The following CNTN4 variants were observed in gnomAD, a reference collection of about 807,000 sequenced individuals.
The protein encoded by CNTN4 is contactin-4.
In CNTN4, 77 loss-of-function variants were observed where a neutral mutation model predicts 122.5. That is an observed-to-expected ratio of 0.63 (90% CI 0.52 to 0.76). The LOEUF (loss-of-function observed/expected upper bound fraction) is 0.76, where lower values mean the gene tolerates loss of function less well. Among genes scored for constraint, CNTN4 ranks in the 30% least tolerant of loss-of-function variants. The pLI is 0.00. For missense variants in CNTN4, 1,256 were observed against 1,259.1 expected (o/e 1.00, Z 0.04); for synonymous variants, 512 against 447.0 (o/e 1.15, Z -1.83).
At chr3:2,560,130 A>C (rs145978023) in intron 3 of CNTN4, among the ~76,000 whole-genome samples, 397 of 148,722 alleles carry the variant, frequency 2.7e-3, no homozygotes, top group Non-Finnish European at 4.4e-3. Context: ...TATTATTATT[A>C]TTCTTTTTCT....
At chr3:3,042,908 A>G in intron 21 of CNTN4, 69 bp from the exon 22 acceptor site, 1 of 1,300,374 alleles carries the variant, frequency 7.7e-7, no homozygotes, top group East Asian at 2.3e-5. Flanking sequence ...TGCGTACAAA[A>G]TTACCTGATG....
chr3:2,393,998 T>C (rs1048516407), intron 3 of CNTN4, among the ~76,000 whole-genome samples: 4 of 152,160 alleles, frequency 2.6e-5, no homozygotes, highest in African/African-American at 9.7e-5. Flanking sequence ...TTACTTTTAA[T>C]ATTATTCTCA....
At chr3:2,946,016 G>A (rs1180783731) in intron 13 of CNTN4, among the ~76,000 whole-genome samples, 1 of 152,146 alleles carries the variant, frequency 6.6e-6, no homozygotes, top group Admixed American at 6.5e-5. Context: ...CTTCTTTCAA[G>A]GATGTATATC....
At chr3:2,678,918 G>A (rs1443194653) in intron 4 of CNTN4, among the ~76,000 whole-genome samples, 1 of 151,856 alleles carries the variant, frequency 6.6e-6, no homozygotes, top group East Asian at 1.9e-4. Context: ...ATGATCAAGG[G>A]GTAAAAGTAC....
chr3:2,853,850 G>T (rs1414553031), intron 7 of CNTN4, among the ~76,000 whole-genome samples: 1 of 152,192 alleles, frequency 6.6e-6, no homozygotes, highest in Non-Finnish European at 1.5e-5. Flanking sequence ...ACTGTGTCCT[G>T]AGGTATGATT....
chr3:2,677,419 GA>G (rs901314424), intron 4 of CNTN4, among the ~76,000 whole-genome samples: 3 of 149,846 alleles, frequency 2.0e-5, no homozygotes, highest in African/African-American at 7.4e-5. Context: ...CATAGATATA[GA>G]GAGAGATCTA....
At chr3:2,506,104 G>T (rs761413960) in intron 3 of CNTN4, among the ~76,000 whole-genome samples, 2 of 151,818 alleles carry the variant, frequency 1.3e-5, no homozygotes, top group African/African-American at 4.8e-5. Flanking sequence ...TTCCTCATGT[G>T]GACGCCTTCC....
intron 13 of CNTN4, among the ~76,000 whole-genome samples, chr3:2,931,584 A>G (rs1017775131): frequency 1.2e-4 from 19 of 152,142 alleles, no homozygotes; most frequent in African/African-American, 4.6e-4. Flanking sequence ...ATTTTATAGT[A>G]TTTGTCACCA....
At chr3:2,896,485 T>C (rs1380685268) in intron 10 of CNTN4, among the ~76,000 whole-genome samples, 1 of 152,140 alleles carries the variant, frequency 6.6e-6, no homozygotes, top group East Asian at 1.9e-4. Context: ...AGATGGACCT[T>C]GCCCTGAAAT....
rs904492342 is a variant in CNTN4, at chr3:2,149,407, C to T, written c.-145+48768C>T. On this transcript the variant is annotated intron_variant, in intron 2 of 24. Transcript: ENST00000418658. Reference sequence around the variant, plus strand: ...GATACGTTGAGAAATATGTTACTGACCATAAATTACCAATTTGAGATGAAT... The same window carrying T: ...GATACGTTGAGAAATATGTTACTGATCATAAATTACCAATTTGAGATGAAT... Among the ~76,000 whole-genome samples, 5 of 152,164 alleles carry T rather than the reference C, an allele frequency of 3.3e-5. No homozygotes were observed. The East Asian group carries it at 9.6e-4, about 29-fold the overall frequency.
intron 18 of CNTN4, 113 bp from the exon 19 acceptor site, chr3:3,038,820 A>G: frequency 1.3e-6 from 1 of 781,948 alleles, no homozygotes; most frequent in Non-Finnish European, 2.2e-6. Flanking sequence ...CCAGAGACAA[A>G]GGGGCGTGCC....
At position 2,696,480 on chromosome 3, in the gene CNTN4, A is replaced by G. The variant is rs574022210; in HGVS notation, c.56-39735A>G. Among the ~76,000 whole-genome samples the G allele has an allele frequency of 2.6e-5, 4 of 152,350 alleles. No homozygotes were observed. In the South Asian group the frequency reaches 8.3e-4, roughly 32 times the overall value. On this transcript the variant is annotated intron_variant, in intron 4 of 24. Coordinates refer to ENST00000418658, the MANE Select transcript of CNTN4 (RefSeq NM_175607.3). ...TTTGGCTCTTCTGCCATGTGAGGAC[A>G]TAGCATTCCTCCCCTTCAGACGACA...
chr3:2,208,205 T>C (rs572278378), intron 2 of CNTN4, among the ~76,000 whole-genome samples: 1 of 152,280 alleles, frequency 6.6e-6, no homozygotes, highest in South Asian at 2.1e-4. Flanking sequence ...CACCATTTTC[T>C]ATGCCATAAA....
chr3:2,216,618 A>G (rs180800453), intron 2 of CNTN4, among the ~76,000 whole-genome samples: 1 of 152,316 alleles, frequency 6.6e-6, no homozygotes, highest in Admixed American at 6.5e-5. Flanking sequence ...TAACAATATT[A>G]ATATTTTGTT....
chr3:2,312,351 A>G (rs17194266), intron 2 of CNTN4, among the ~76,000 whole-genome samples: 8,520 of 152,210 alleles, frequency 0.056, 298 homozygotes, highest in Non-Finnish European at 0.072. Context: ...CTCCTGAATA[A>G]TTAGGGCAAT....
At chr3:2,314,782 A>G (rs575188073) in intron 2 of CNTN4, among the ~76,000 whole-genome samples, 2 of 152,110 alleles carry the variant, frequency 1.3e-5, no homozygotes, top group African/African-American at 4.8e-5. Context: ...AACGGAAAAA[A>G]ATTGCGATAT....
intron 8 of CNTN4, among the ~76,000 whole-genome samples, chr3:2,868,764 C>A (rs1346774453): frequency 1.3e-5 from 2 of 152,118 alleles, no homozygotes; most frequent in Non-Finnish European, 1.5e-5. Flanking sequence ...CACAAAGAAA[C>A]AAGCAAACAT....
chr3:2,829,481 A>G (rs1483087489), intron 7 of CNTN4, among the ~76,000 whole-genome samples: 1 of 152,208 alleles, frequency 6.6e-6, no homozygotes, highest in Non-Finnish European at 1.5e-5. Flanking sequence ...AAGAAGCAAA[A>G]GGGAGGAATT....
At chr3:2,135,373 G>A (rs61248250) in intron 2 of CNTN4, among the ~76,000 whole-genome samples, 50,605 of 152,046 alleles carry the variant, frequency 0.33, 8,650 homozygotes, top group Admixed American at 0.44. Context: ...TCTGAAAAAG[G>A]TAGGGCCAAT....
Sources: allele counts gnomAD v4.1 joint callset (sites outside exome capture counted in the v4.1 genomes callset), GRCh38; gene constraint gnomAD v4.1.1; transcripts MANE v1.5; gene names NCBI Gene and HGNC (gene_info 2026-07-23, HGNC 2026-07-21).